Variants in DGKB observed in about 807,000 individuals in gnomAD.
DGKB encodes 90 kDa diacylglycerol kinase.
In DGKB, 67 loss-of-function variants were observed where a neutral mutation model predicts 114.3. That is an observed-to-expected ratio of 0.59 (90% CI 0.48 to 0.72). The LOEUF (loss-of-function observed/expected upper bound fraction) is 0.72, where lower values mean the gene tolerates loss of function less well. DGKB is among the 30% of genes least tolerant of loss of function. The pLI is 0.00. For synonymous variants in DGKB, 398 were observed against 323.1 expected (o/e 1.23, Z -2.49); for missense variants, 907 against 975.2 (o/e 0.93, Z 0.93).
intron 1 of DGKB, among the ~76,000 whole-genome samples, chr7:14,897,154 T>C (rs1782231960): frequency 1.3e-5 from 2 of 151,898 alleles, no homozygotes; most frequent in African/African-American, 4.8e-5. Context: ...CCTAAGATGG[T>C]ACTTTAAAAA....
intron 22 of DGKB, among the ~76,000 whole-genome samples, chr7:14,340,181 T>C (rs77266574): frequency 3.5e-4 from 43 of 121,844 alleles, no homozygotes; most frequent in Admixed American, 6.5e-4. Context: ...TTTTTTTTTT[T>C]CCAGAAAGCA....
intron 20 of DGKB, among the ~76,000 whole-genome samples, chr7:14,483,342 C>A (rs1783278861): frequency 6.6e-6 from 1 of 152,144 alleles, no homozygotes; most frequent in Admixed American, 6.5e-5. Flanking sequence ...AACATGTCCA[C>A]AAATGGAGAG....
chr7:14,862,812 T>C (rs1385156959), intron 1 of DGKB, among the ~76,000 whole-genome samples: 2 of 152,144 alleles, frequency 1.3e-5, no homozygotes, highest in African/African-American at 4.8e-5. Flanking sequence ...CTTTACAACT[T>C]CATTCAACAT....
chr7:14,800,879 T>C (rs1346328323), intron 2 of DGKB, among the ~76,000 whole-genome samples: 4 of 152,126 alleles, frequency 2.6e-5, no homozygotes, highest in Admixed American at 6.6e-5. Context: ...CCTTCAGGAA[T>C]GGAGGTGTGA....
intron 23 of DGKB, among the ~76,000 whole-genome samples, chr7:14,250,898 T>C (rs948565028): frequency 6.6e-6 from 1 of 152,228 alleles, no homozygotes; most frequent in African/African-American, 2.4e-5. Flanking sequence ...TCTTTGTCTA[T>C]TGTGACAGGT....
At chr7:14,696,425 G>T (rs1350003530) in intron 8 of DGKB, among the ~76,000 whole-genome samples, 2 of 149,782 alleles carry the variant, frequency 1.3e-5, no homozygotes, top group African/African-American at 2.4e-5. Flanking sequence ...AACCCGGGAG[G>T]CGGAGCTTGC....
intron 23 of DGKB, among the ~76,000 whole-genome samples, chr7:14,223,977 A>T (rs888413604): frequency 6.6e-6 from 1 of 151,108 alleles, no homozygotes; most frequent in African/African-American, 2.4e-5. Flanking sequence ...TTTTTTTCCA[A>T]TGTCTCCAAC....
intron 14 of DGKB, among the ~76,000 whole-genome samples, chr7:14,628,664 T>G (rs890881282): frequency 9.2e-5 from 14 of 152,166 alleles, no homozygotes; most frequent in African/African-American, 2.9e-4. Context: ...AACCACATTT[T>G]CCGTTAACCA....
chr7:14,467,980 T>A (rs1768883071), intron 21 of DGKB, among the ~76,000 whole-genome samples: 1 of 152,128 alleles, frequency 6.6e-6, no homozygotes, highest in South Asian at 2.1e-4. Flanking sequence ...CTCACAATTG[T>A]TCCCTGGGAT....
rs1355615468 is a variant in DGKB, at chr7:14,641,260, GGGATTTGGTTTA to G, written c.1135-11004_1135-10993del. On this transcript the variant is annotated intron_variant, in intron 13 of 25. Coordinates refer to ENST00000402815, the MANE Select transcript of DGKB (RefSeq NM_001350709.2). The stretch of plus-strand genomic sequence containing the variant: ...ATATAGGGATTTGGTTTACAATATA[GGGATTTGGTTTA>G]CAATATAGGGATTTGGTTTACAATA... Among the ~76,000 whole-genome samples, 4 of 15,582 alleles carry G rather than the reference GGGATTTGGTTTA, an allele frequency of 2.6e-4. 1 individual carries two copies. The East Asian group carries it at 6.6e-3, about 26-fold the overall frequency. The allele number at this position is 15,582 out of a possible 152,430, so 10.2% of individuals were successfully genotyped here.
intron 1 of DGKB, among the ~76,000 whole-genome samples, chr7:14,848,805 C>A (rs868248460): frequency 6.6e-6 from 1 of 152,048 alleles, no homozygotes; most frequent in East Asian, 1.9e-4. Flanking sequence ...TTAAATGGTC[C>A]ATATTTGTTC....
At chr7:14,947,495 TAAAAC>T (rs1289614963) in intron 1 of DGKB, among the ~76,000 whole-genome samples, 1 of 137,950 alleles carries the variant, frequency 7.2e-6, no homozygotes, top group African/African-American at 2.8e-5. Flanking sequence ...GCATTTATGT[TAAAAC>T]AAAGTCATAA....
intron 21 of DGKB, among the ~76,000 whole-genome samples, chr7:14,375,617 G>C (rs1818351857): frequency 2.6e-5 from 4 of 152,162 alleles, no homozygotes; most frequent in Admixed American, 2.6e-4. Context: ...TCACCTTCCA[G>C]GTCTCTCTTC....
Position 14,222,384 on chromosome 7 carries a change from T to G in DGKB, c.2123-44233A>C, listed in dbSNP as rs1467122841. Among the ~76,000 whole-genome samples the G allele has an allele frequency of 1.3e-5, 2 of 151,346 alleles. 1 individual carries two copies. Among genetic ancestry groups the G allele is most frequent in the East Asian group, 3.9e-4 (2 of 5,156 alleles). ...GTGCTTTCTAATTTCCTTTTTGATT[T>G]CTTCATTGATTCATTGGTTATTTTA... On this transcript the variant is annotated intron_variant, in intron 23 of 25. Coordinates refer to ENST00000402815, the MANE Select transcript of DGKB (RefSeq NM_001350709.2).
intron 2 of DGKB, among the ~76,000 whole-genome samples, chr7:14,803,633 T>A (rs1842447674): frequency 6.6e-6 from 1 of 151,242 alleles, no homozygotes. Context: ...TTTATTATGA[T>A]TGCTTTTTAA....
chr7:14,305,702 T>G (rs1264574683), intron 23 of DGKB, among the ~76,000 whole-genome samples: 1 of 152,114 alleles, frequency 6.6e-6, no homozygotes, highest in Non-Finnish European at 1.5e-5. Flanking sequence ...ATTGCACCAG[T>G]GTAATTTCAA....
In DGKB at chr7:14,711,247, G is replaced by T. The variant is rs529756066; in HGVS notation, c.466+7295C>A. Among the ~76,000 whole-genome samples, 68 of 152,066 alleles carry T rather than the reference G, an allele frequency of 4.5e-4. No homozygotes were observed. The South Asian group carries it at 0.014, about 31-fold the overall frequency. On this transcript the variant is annotated intron_variant, in intron 6 of 25. Transcript: ENST00000402815. ...AATTCATCAAGGAAGAAAGTTTGGA[G>T]AGTTTTAAGCTCTAGTTAATATAAT...
At chr7:14,434,600 A>G (rs1007227110) in intron 21 of DGKB, among the ~76,000 whole-genome samples, 2 of 152,172 alleles carry the variant, frequency 1.3e-5, no homozygotes, top group Non-Finnish European at 1.5e-5. Context: ...GGACACTTTG[A>G]TTCTTGTTCA....
At chr7:14,960,541 G>A (rs774993168) in intron 1 of DGKB, among the ~76,000 whole-genome samples, 14 of 151,886 alleles carry the variant, frequency 9.2e-5, no homozygotes, top group South Asian at 4.1e-4. Context: ...CTGTGGTAAA[G>A]GCAAATAAGA....
Sources: allele counts gnomAD v4.1 joint callset (sites outside exome capture counted in the v4.1 genomes callset), GRCh38; gene constraint gnomAD v4.1.1; transcripts MANE v1.5; gene names NCBI Gene and HGNC (gene_info 2026-07-23, HGNC 2026-07-21).